SIK3: variants seen among roughly 807,000 people sequenced by gnomAD.
SIK3 encodes the protein SIK family kinase 3, also known as serine/threonine-protein kinase SIK3.
SIK3 carries 28 observed loss-of-function variants against 144.2 expected under a neutral mutation model. That is an observed-to-expected ratio of 0.19 (90% confidence interval 0.14 to 0.27). SIK3 has a LOEUF of 0.27. Ranked by LOEUF, SIK3 falls within the 10% of genes least tolerant of loss-of-function variation. The probability of loss-of-function intolerance (pLI) is 1.00; values close to 1 mark genes in which losing one functional copy is unlikely to be tolerated. For missense variants in SIK3, 1,319 were observed against 1,776.0 expected (o/e 0.74, Z 4.62); for synonymous variants, 686 against 676.3 (o/e 1.01, Z -0.22).
At chr11:116,959,479 A>C (rs550107992) in intron 1 of SIK3, among the ~76,000 whole-genome samples, 9 of 152,218 alleles carry the variant, frequency 5.9e-5, no homozygotes, top group Non-Finnish European at 1.3e-4. Flanking sequence ...CAACTGTCTA[A>C]GGCCTGTGCC....
At chr11:117,068,275 C>A (rs1339375558) in intron 1 of SIK3, among the ~76,000 whole-genome samples, 1 of 152,094 alleles carries the variant, frequency 6.6e-6, no homozygotes, top group East Asian at 1.9e-4. Flanking sequence ...AAATTCATGT[C>A]CTTTATGAAA....
chr11:116,901,230 G>A (rs1945724620), intron 4 of SIK3, among the ~76,000 whole-genome samples: 1 of 152,184 alleles, frequency 6.6e-6, no homozygotes, highest in South Asian at 2.1e-4. Flanking sequence ...AAATGGAGGA[G>A]ATACCGTTTT....
intron 21 of SIK3, among the ~76,000 whole-genome samples, chr11:116,854,337 A>G (rs1942699626): frequency 6.6e-6 from 1 of 152,202 alleles, no homozygotes; most frequent in South Asian, 2.1e-4. Context: ...ACTCTAGCCT[A>G]GGTGACAGAG....
At chr11:116,950,320 C>G (rs1208137967) in intron 3 of SIK3, 2 of 343,560 alleles carry the variant, frequency 5.8e-6, no homozygotes, top group Non-Finnish European at 1.2e-5. Context: ...ATAAAAATTA[C>G]AGGAGACCAT....
intron 1 of SIK3, among the ~76,000 whole-genome samples, chr11:117,034,283 CA>C (rs2135815740): frequency 6.6e-6 from 1 of 152,228 alleles, no homozygotes; most frequent in East Asian, 1.9e-4. Flanking sequence ...ATATAATTAG[CA>C]CCATTATTTG....
chr11:116,955,763 G>A (rs1949115759), intron 2 of SIK3, among the ~76,000 whole-genome samples: 1 of 152,104 alleles, frequency 6.6e-6, no homozygotes, highest in Non-Finnish European at 1.5e-5. Flanking sequence ...TTGCTTGTGG[G>A]GCAGAAGGTA....
chr11:116,981,070 T>C (rs1469211351), intron 1 of SIK3, among the ~76,000 whole-genome samples: 1 of 152,226 alleles, frequency 6.6e-6, no homozygotes, highest in East Asian at 1.9e-4. Flanking sequence ...TTACCACCGA[T>C]GTTTAGTTAC....
At chr11:117,097,907 C>T (rs1376024806) in intron 1 of SIK3, among the ~76,000 whole-genome samples, 1 of 151,988 alleles carries the variant, frequency 6.6e-6, no homozygotes, top group African/African-American at 2.4e-5. Flanking sequence ...TCCCCGCGCC[C>T]GGCTCCTGGG....
At chr11:116,998,470 T>TAA (rs59998385) in intron 1 of SIK3, among the ~76,000 whole-genome samples, 42 of 136,404 alleles carry the variant, frequency 3.1e-4, no homozygotes, top group East Asian at 2.8e-3. Context: ...GACTCCGTCT[T>TAA]AAAAAAAAAA....
At chr11:116,870,513 A>G (rs1943912089) in intron 13 of SIK3, 112 bp from the exon 14 acceptor site, 2 of 1,388,262 alleles carry the variant, frequency 1.4e-6, no homozygotes, top group East Asian at 4.7e-5. Flanking sequence ...TATTTACAGA[A>G]CTTTTCTAGA....
intron 6 of SIK3, among the ~76,000 whole-genome samples, chr11:116,877,686 G>C (rs1379755012): frequency 6.6e-6 from 1 of 152,116 alleles, no homozygotes; most frequent in African/African-American, 2.4e-5. Context: ...ATTTTTCTCT[G>C]GGAGCTCGTA....
At chr11:116,850,955 G>A (rs1201246983) in intron 21 of SIK3, among the ~76,000 whole-genome samples, 1 of 152,188 alleles carries the variant, frequency 6.6e-6, no homozygotes, top group Non-Finnish European at 1.5e-5. Flanking sequence ...ATTGCAGTGA[G>A]CCAAGACCAT....
intron 1 of SIK3, among the ~76,000 whole-genome samples, chr11:117,028,616 GAAGA>G (rs1952124860): frequency 6.6e-6 from 1 of 151,676 alleles, no homozygotes; most frequent in East Asian, 1.9e-4. Context: ...CAAATGGATA[GAAGA>G]AAGAAGCATG....
chr11:117,016,330 AAAGG>A (rs1951522227), intron 1 of SIK3, among the ~76,000 whole-genome samples: 3 of 132,096 alleles, frequency 2.3e-5, no homozygotes, highest in Non-Finnish European at 4.8e-5. Flanking sequence ...TGCGAAAAAA[AAAGG>A]AAGGAAGGAA....
intron 4 of SIK3, among the ~76,000 whole-genome samples, chr11:116,918,299 T>C (rs1171857504): frequency 6.6e-6 from 1 of 152,110 alleles, no homozygotes; most frequent in East Asian, 1.9e-4. Flanking sequence ...GCGCATGCCA[T>C]CCACCCTCTT....
intron 13 of SIK3, among the ~76,000 whole-genome samples, chr11:116,871,826 G>A (rs1943986625): frequency 6.6e-6 from 1 of 152,198 alleles, no homozygotes; most frequent in African/African-American, 2.4e-5. Flanking sequence ...TGTCACCCAA[G>A]AGGAGGAGCA....
intron 1 of SIK3, among the ~76,000 whole-genome samples, chr11:117,069,077 C>T (rs948679801): frequency 1.3e-5 from 2 of 149,568 alleles, no homozygotes; most frequent in African/African-American, 2.5e-5. Flanking sequence ...TTGGAAACAT[C>T]AGCATGAATC....
intron 1 of SIK3, among the ~76,000 whole-genome samples, chr11:116,968,700 C>T (rs1312594579): frequency 6.6e-6 from 1 of 152,144 alleles, no homozygotes; most frequent in Non-Finnish European, 1.5e-5. Flanking sequence ...CCTAAATTTG[C>T]ATTAGAGTAC....
chr11:116,916,560 G>A (rs943303041), intron 4 of SIK3, among the ~76,000 whole-genome samples: 7 of 150,588 alleles, frequency 4.6e-5, no homozygotes, highest in African/African-American at 1.7e-4. Context: ...GCCCAGGCTG[G>A]AGTGCAGTGG....
Sources: allele counts gnomAD v4.1 joint callset (sites outside exome capture counted in the v4.1 genomes callset), GRCh38; gene constraint gnomAD v4.1.1; transcripts MANE v1.5; gene names NCBI Gene and HGNC (gene_info 2026-07-23, HGNC 2026-07-21).